The following SENP6 variants were observed in gnomAD, a reference collection of about 807,000 sequenced individuals.
The protein encoded by SENP6 is sentrin-specific protease 6.
In SENP6, 41 loss-of-function variants were observed where a neutral mutation model predicts 134.5. The ratio of observed to expected loss-of-function variants is 0.30; its 90% CI spans 0.24 to 0.40. The LOEUF is 0.40. Among genes scored for constraint, SENP6 ranks in the 10% least tolerant of loss-of-function variants. The probability of loss-of-function intolerance (pLI) is 1.00; values close to 1 mark genes in which losing one functional copy is unlikely to be tolerated. For synonymous variants in SENP6, 395 were observed against 429.8 expected (o/e 0.92, Z 1.00); for missense variants, 1,248 against 1,312.5 (o/e 0.95, Z 0.76).
At position 75,675,901 on chromosome 6, in the gene SENP6, G is replaced by C. The variant is rs762121114; in HGVS notation, c.1468G>C (p.Asp490His). 52 of 1,609,006 alleles carry C rather than the reference G, an allele frequency of 3.2e-5. No homozygotes were observed. Among genetic ancestry groups the C allele is most frequent in the Non-Finnish European group, 3.4e-6 (4 of 1,178,378 alleles). ...TGTAGAGATTATATTAAATACCTCT[G>C]ATCTAACTAAATGTGAATGGTGTAA... ...DPVEIILNTS[D>H]LTKCEWCNVR... is the part of the protein sequence containing the mutation. The change falls in exon 13 of 24, where the codon GAT becomes CAT. Residue 490 changes from aspartate (D) to histidine (H), a missense_variant. This residue lies in a region of SENP6 where 733 missense variants were observed against 725.4 expected (regional missense o/e 1.01). Transcript: ENST00000447266.
chr6:75,717,444 T>G lies in SENP6; in HGVS notation c.*1850T>G, dbSNP rs1014560014. On this transcript the variant is annotated 3_prime_UTR_variant, in exon 24 of 24. Transcript: ENST00000447266. ...TGTACCAACTCAAGTCAATCAGATT[T>G]TAACATGAAAAATATAGATTAATGT... 1.3e-5 allele frequency: 2 copies of G among 152,122 alleles called. No homozygotes were observed. Among genetic ancestry groups the G allele is most frequent in the Non-Finnish European group, 2.9e-5 (2 of 67,946 alleles). The allele number at this position is 152,122 out of a possible 1,614,324, so 9.4% of individuals were successfully genotyped here.
At chr6:75,638,245 T>TG (rs1237927806) in intron 5 of SENP6, among the ~76,000 whole-genome samples, 1 of 74,732 alleles carries the variant, frequency 1.3e-5, no homozygotes, top group Non-Finnish European at 2.5e-5. Flanking sequence ...TTCTTTTGTT[T>TG]TTTTTTTTTT....
At position 75,678,796 on chromosome 6, in the gene SENP6, C is replaced by G. The variant is rs778469864; in HGVS notation, c.1959-15C>G. ...ATAGATTTGTTTATTTGCTTGCCTT[C>G]TAATTTTGTTACAGGTTGATAGTAT... On this transcript the variant is annotated splice_polypyrimidine_tract_variant and intron_variant, in intron 15 of 23. Coordinates refer to ENST00000447266, the MANE Select transcript of SENP6 (RefSeq NM_015571.4). 3.3e-6 allele frequency: 5 copies of G among 1,509,066 alleles called. No homozygotes were observed. In the Admixed American group the frequency reaches 8.6e-5, roughly 26 times the overall value. The allele number at this position is 1,509,066 out of a possible 1,614,324, so 93.5% of individuals were successfully genotyped here.
At chr6:75,667,026 G>A in intron 10 of SENP6, 85 bp downstream of exon 10, 1 of 738,998 alleles carries the variant, frequency 1.4e-6, no homozygotes, top group Non-Finnish European at 2.2e-6. Flanking sequence ...GTTTGGTAGT[G>A]CCAAGAAAAA....
intron 6 of SENP6, among the ~76,000 whole-genome samples, chr6:75,643,551 G>A (rs775311795): frequency 2.6e-5 from 4 of 152,072 alleles, no homozygotes; most frequent in South Asian, 2.1e-4. Context: ...GTAAAACCCC[G>A]CCTCTATTAA....
chr6:75,709,451 G>GC, intron 19 of SENP6, 76 bp from the exon 20 acceptor site: 1 of 901,788 alleles, frequency 1.1e-6, no homozygotes, highest in Non-Finnish European at 1.8e-6. Context: ...TTAACTACTA[G>GC]CATTAATTTC....
rs537382911 is a variant in SENP6 at position 75,702,559 on chromosome 6, G to GA, written c.2289-79dup. On this transcript the variant is annotated intron_variant, in intron 18 of 23. Transcript: ENST00000447266. ...AATAAATTAATTGGCAAGAACTTTA[G>GA]AAAAAAACATTTTAATTGATATGTA... 335 of 1,272,808 alleles carry GA rather than the reference G, an allele frequency of 2.6e-4. No homozygotes were observed. The African/African-American group carries it at 4.5e-3, about 17-fold the overall frequency. 78.8% of individuals were successfully genotyped at this position (1,272,808 alleles called of 1,614,324 possible). A position where few individuals can be genotyped will look rare whatever the true frequency, so the allele number is the denominator to read the frequency against.
chr6:75,703,302 AT>A (rs907683983), intron 19 of SENP6, among the ~76,000 whole-genome samples: 96 of 152,298 alleles, frequency 6.3e-4, no homozygotes, highest in African/African-American at 2.2e-3. Flanking sequence ...ACAAAAAAAA[AT>A]AAATAGAAAA....
At chr6:75,661,880 C>G (rs181969526) in intron 8 of SENP6, among the ~76,000 whole-genome samples, 3 of 151,894 alleles carry the variant, frequency 2.0e-5, no homozygotes, top group Admixed American at 6.6e-5. Context: ...GGTGAAATCC[C>G]GTCTCTACTA....
At chr6:75,616,099 T>C (rs1767829259) in intron 1 of SENP6, among the ~76,000 whole-genome samples, 1 of 152,214 alleles carries the variant, frequency 6.6e-6, no homozygotes, top group Admixed American at 6.5e-5. Context: ...CCTCTTTCCA[T>C]TATTGTCATT....
intron 7 of SENP6, among the ~76,000 whole-genome samples, chr6:75,651,867 A>C (rs952735107): frequency 2.6e-5 from 4 of 152,174 alleles, no homozygotes; most frequent in African/African-American, 9.7e-5. Context: ...TGGAAAACAC[A>C]ATTAAAGGAA....
At chr6:75,631,750 A>G (rs1401574037) in intron 3 of SENP6, among the ~76,000 whole-genome samples, 1 of 152,236 alleles carries the variant, frequency 6.6e-6, no homozygotes, top group Non-Finnish European at 1.5e-5. Context: ...TGATCAAGAA[A>G]GCCTACAATA....
chr6:75,711,235 A>T (rs1307297974), intron 20 of SENP6, 93 bp from the exon 21 acceptor site: 7 of 778,370 alleles, frequency 9.0e-6, no homozygotes, highest in Non-Finnish European at 1.4e-5. Context: ...GACAATCATT[A>T]CAAATATTTT....
chr6:75,623,909 TCTG>T lies in SENP6; in HGVS notation c.159_161del (p.Leu54del). 1.2e-6 allele frequency: 2 copies of T among 1,607,070 alleles called. No homozygotes were observed. The highest frequency in any genetic ancestry group is 1.7e-6 in the Non-Finnish European group (2 of 1,176,394). On this transcript the variant is annotated inframe_deletion, in exon 3 of 24. Coordinates refer to ENST00000447266, the MANE Select transcript of SENP6 (RefSeq NM_015571.4). ...CTTATTTTCTGTGTAGTGGGACAAATCTGCTCAGTGTGGATGAAGATGAGGATT... is the reference window on the plus strand; with the variant it reads ...CTTATTTTCTGTGTAGTGGGACAAATCTCAGTGTGGATGAAGATGAGGATT...
chr6:75,623,148 C>T (rs1471678959), intron 2 of SENP6, among the ~76,000 whole-genome samples: 1 of 151,746 alleles, frequency 6.6e-6, no homozygotes, highest in Non-Finnish European at 1.5e-5. Flanking sequence ...CAATAAATAG[C>T]TGAGTTGTCT....
At chr6:75,676,769 ATACGTGAATAGATTT>A in intron 13 of SENP6, 1 of 283,336 alleles carries the variant, frequency 3.5e-6, no homozygotes, top group Non-Finnish European at 6.6e-6. Flanking sequence ...AATTAGTTAC[ATACGTGAATAGATTT>A]GTTCTTGAAC....
At chr6:75,667,220 G>A (rs1273248146) in intron 10 of SENP6, among the ~76,000 whole-genome samples, 1 of 152,084 alleles carries the variant, frequency 6.6e-6, no homozygotes, top group Non-Finnish European at 1.5e-5. Context: ...ATAAAATCTA[G>A]CAGAGGAGAG....
intron 18 of SENP6, among the ~76,000 whole-genome samples, chr6:75,700,621 G>C (rs1270156463): frequency 6.6e-6 from 1 of 152,086 alleles, no homozygotes; most frequent in Non-Finnish European, 1.5e-5. Context: ...AACCCCAGTA[G>C]CTTGGACCAC....
chr6:75,715,311 TC>T, intron 23 of SENP6, 73 bp from the exon 24 acceptor site: 1 of 1,140,788 alleles, frequency 8.8e-7, no homozygotes, highest in Non-Finnish European at 1.3e-6. Context: ...ATTTTTAACT[TC>T]GGAATGTTTC....
Sources: allele counts gnomAD v4.1 joint callset (sites outside exome capture counted in the v4.1 genomes callset), GRCh38; gene constraint gnomAD v4.1.1; regional missense constraint gnomAD v4.1.1; transcripts MANE v1.5; gene names NCBI Gene and HGNC (gene_info 2026-07-23, HGNC 2026-07-21).